Variants in FGF13 observed in about 807,000 individuals in gnomAD.
The protein encoded by FGF13 is fibroblast growth factor homologous factor 2.
FGF13 carries 2 observed loss-of-function variants against 19.5 expected under a neutral mutation model. The ratio of observed to expected loss-of-function variants is 0.10; its 90% CI spans 0.04 to 0.32. FGF13 has a LOEUF of 0.32. Ranked by LOEUF, FGF13 falls within the 10% of genes least tolerant of loss-of-function variation. The pLI is 1.00. For synonymous variants in FGF13, 72 were observed against 76.9 expected (o/e 0.94, Z 0.33); for missense variants, 113 against 192.7 (o/e 0.59, Z 2.45).
At chrX:138,905,407 G>A (rs1341300610) in intron 1 of FGF13, among the ~76,000 whole-genome samples, 4 of 111,948 alleles carry the variant, frequency 3.6e-5, no homozygotes, top group Non-Finnish European at 7.5e-5. Context: ...ATTGCCATGT[G>A]GATAAACTAT....
At chrX:138,880,150 A>C (rs1219453734) in intron 1 of FGF13, among the ~76,000 whole-genome samples, 2 of 112,481 alleles carry the variant, frequency 1.8e-5, no homozygotes, top group East Asian at 5.6e-4. Flanking sequence ...CATGCCAGTT[A>C]GAATGGCGAT....
chrX:138,867,251 A>C (rs896294866), intron 1 of FGF13, among the ~76,000 whole-genome samples: 13 of 110,841 alleles, frequency 1.2e-4, no homozygotes, highest in Middle Eastern at 4.6e-3. Context: ...CTACAAAAAA[A>C]ATTTTAATGT....
chrX:139,046,855 G>T (rs1204868405), intron 1 of FGF13, among the ~76,000 whole-genome samples: 1 of 111,661 alleles, frequency 9.0e-6, no homozygotes, highest in East Asian at 2.8e-4. Flanking sequence ...ACAATAAAGG[G>T]TTAAAGACAG....
chrX:138,779,959 G>A (rs1322675591), intron 3 of FGF13, among the ~76,000 whole-genome samples: 3 of 103,722 alleles, frequency 2.9e-5, no homozygotes, highest in Non-Finnish European at 5.9e-5. Context: ...GACTAACAGC[G>A]GATCTCTCGG....
intron 3 of FGF13, among the ~76,000 whole-genome samples, chrX:138,776,231 A>G (rs963702188): frequency 8.9e-6 from 1 of 112,195 alleles, no homozygotes; most frequent in African/African-American, 3.2e-5. Flanking sequence ...GTGACCTATG[A>G]TTTTACTTCA....
At chrX:138,900,640 A>T (rs2091527579) in intron 1 of FGF13, among the ~76,000 whole-genome samples, 1 of 111,730 alleles carries the variant, frequency 9.0e-6, no homozygotes, top group African/African-American at 3.3e-5. Flanking sequence ...TATTCATATA[A>T]TCATCAGAGC....
chrX:138,951,996 T>C (rs1417469811), intron 1 of FGF13, among the ~76,000 whole-genome samples: 1 of 111,447 alleles, frequency 9.0e-6, no homozygotes, highest in African/African-American at 3.3e-5. Context: ...AAAATGGCCA[T>C]ACTGCCCAAG....
At chrX:138,952,884 C>T (rs1374277423) in intron 1 of FGF13, among the ~76,000 whole-genome samples, 44 of 110,248 alleles carry the variant, frequency 4.0e-4, no homozygotes, top group Admixed American at 2.2e-3. Flanking sequence ...TGAGATACCA[C>T]CTCACACCAG....
intron 3 of FGF13, among the ~76,000 whole-genome samples, chrX:138,797,717 T>C (rs1399353533): frequency 1.8e-5 from 2 of 111,914 alleles, no homozygotes; most frequent in Non-Finnish European, 3.8e-5. Flanking sequence ...TTCCATTTGT[T>C]TCTGTCCTCT....
At chrX:139,092,774 C>T (rs770193014) in intron 1 of FGF13, among the ~76,000 whole-genome samples, 5 of 111,658 alleles carry the variant, frequency 4.5e-5, no homozygotes, top group Non-Finnish European at 9.4e-5. Context: ...GAAATTAGTC[C>T]TTGGCACTGC....
intron 1 of FGF13, among the ~76,000 whole-genome samples, chrX:139,156,199 A>C (rs1032628847): frequency 2.5e-4 from 28 of 111,783 alleles, no homozygotes; most frequent in Non-Finnish European, 5.1e-4. Context: ...ATCACCCAAA[A>C]CTTCTTTAGA....
chrX:138,942,989 TAC>T (rs367833045), intron 1 of FGF13, among the ~76,000 whole-genome samples: 2 of 112,398 alleles, frequency 1.8e-5, no homozygotes, highest in African/African-American at 6.5e-5. Flanking sequence ...TCCAAGATTC[TAC>T]TTTGCTCATG....
At chrX:138,954,424 A>G (rs1330971884) in intron 1 of FGF13, among the ~76,000 whole-genome samples, 1 of 111,853 alleles carries the variant, frequency 8.9e-6, no homozygotes, top group East Asian at 2.8e-4. Context: ...AACACTAAAA[A>G]AATCCCTTAC....
At position 138,711,026 on chromosome X, in the gene FGF13, G is replaced by A; in HGVS notation, c.-23C>T. On this transcript the variant is annotated 5_prime_UTR_variant, in exon 1 of 5. Coordinates refer to ENST00000315930, the MANE Select transcript of FGF13 (RefSeq NM_004114.5). ...CATGGCCACGACGCCCACCACCACC[G>A]CTTCTTTTGCTGCCCCTCTCTGGGT... The A allele has an allele frequency of 8.3e-7, 1 of 1,205,578 alleles. No homozygotes were observed. The highest frequency in any genetic ancestry group is 3.0e-5 in the East Asian group (1 of 33,747).
At chrX:138,683,603 C>A (rs1410558115) in intron 3 of FGF13, among the ~76,000 whole-genome samples, 1 of 111,490 alleles carries the variant, frequency 9.0e-6, no homozygotes, top group African/African-American at 3.3e-5. Context: ...ACTAATTGCA[C>A]CATAGATGCA....
At chrX:138,865,498 C>G (rs2091317958) in intron 1 of FGF13, among the ~76,000 whole-genome samples, 1 of 101,023 alleles carries the variant, frequency 9.9e-6, no homozygotes, top group African/African-American at 3.6e-5. Flanking sequence ...TCTCTCTCTC[C>G]TCTCTCTCTC....
chrX:139,185,126 G>T (rs1456065937), intron 1 of FGF13, among the ~76,000 whole-genome samples: 2 of 112,157 alleles, frequency 1.8e-5, no homozygotes, highest in Admixed American at 1.9e-4. Context: ...GGAAAAGGGG[G>T]TGCTGAGTAC....
chrX:138,758,018 A>G (rs1006610985), intron 3 of FGF13, among the ~76,000 whole-genome samples: 1 of 112,201 alleles, frequency 8.9e-6, no homozygotes. Flanking sequence ...GAACTAGCAC[A>G]TGCAGTACTG....
intron 1 of FGF13, among the ~76,000 whole-genome samples, chrX:139,053,957 A>G (rs2092311436): frequency 9.1e-6 from 1 of 110,191 alleles, no homozygotes; most frequent in Non-Finnish European, 1.9e-5. Context: ...GAATCCAGTT[A>G]CATTCTCCTA....
Sources: allele counts gnomAD v4.1 joint callset (sites outside exome capture counted in the v4.1 genomes callset), GRCh38; gene constraint gnomAD v4.1.1; transcripts MANE v1.5; gene names NCBI Gene and HGNC (gene_info 2026-07-23, HGNC 2026-07-21).